Variants in COL4A5 observed in about 807,000 individuals in gnomAD.
COL4A5 encodes collagen alpha-5(IV) chain.
Under a neutral mutation model 130.2 loss-of-function variants are expected in COL4A5, and 26 were observed. That is an observed-to-expected ratio of 0.20 (90% CI 0.15 to 0.28). COL4A5 has a LOEUF of 0.28. Ranked by LOEUF, COL4A5 falls within the 10% of genes least tolerant of loss-of-function variation. COL4A5 has a pLI of 1.00. For missense variants in COL4A5, 1,131 were observed against 1,344.3 expected (o/e 0.84, Z 2.48); for synonymous variants, 496 against 439.6 (o/e 1.13, Z -1.60).
chrX:108,541,766 C>T (rs749871212), intron 2 of COL4A5, among the ~76,000 whole-genome samples: 5 of 112,293 alleles, frequency 4.5e-5, no homozygotes, highest in African/African-American at 1.3e-4. Context: ...TAGATTTAAC[C>T]GTTGTCCGTT....
chrX:108,642,665 G>A (rs952124585), intron 36 of COL4A5, among the ~76,000 whole-genome samples: 1 of 109,703 alleles, frequency 9.1e-6, no homozygotes, highest in Non-Finnish European at 1.9e-5. Flanking sequence ...CTCACAGGAA[G>A]CCACATCCAT....
intron 37 of COL4A5, 51 bp downstream of exon 37, chrX:108,655,508 A>T: frequency 8.5e-7 from 1 of 1,179,146 alleles, no homozygotes; most frequent in Non-Finnish European, 1.2e-6. Context: ...TATCTACTCC[A>T]ACCAGTATCA....
chrX:108,665,463 A>C, intron 37 of COL4A5, 44 bp from the exon 38 acceptor site: 1 of 915,708 alleles, frequency 1.1e-6, no homozygotes. Context: ...CTCTTAAAGC[A>C]ATGCAGTTTT....
chrX:108,459,305 C>CT (rs1462544376), intron 1 of COL4A5, among the ~76,000 whole-genome samples: 1 of 111,116 alleles, frequency 9.0e-6, no homozygotes, highest in Non-Finnish European at 1.9e-5. Context: ...CTTCACACTC[C>CT]TTTTTTTCCC....
At chrX:108,679,006 GT>G (rs1158480295) in intron 44 of COL4A5, among the ~76,000 whole-genome samples, 1 of 111,343 alleles carries the variant, frequency 9.0e-6, no homozygotes, top group Non-Finnish European at 1.9e-5. Flanking sequence ...TTTGCCTGAT[GT>G]TTATTCATAA....
chrX:108,520,692 CTT>C (rs1255692973), intron 1 of COL4A5, among the ~76,000 whole-genome samples: 26 of 111,439 alleles, frequency 2.3e-4, no homozygotes, highest in African/African-American at 7.8e-4. Context: ...TTGTGTATGA[CTT>C]TTAAAATTTT....
chrX:108,521,975 C>T (rs757953829), intron 1 of COL4A5, among the ~76,000 whole-genome samples: 2 of 110,747 alleles, frequency 1.8e-5, no homozygotes, highest in Middle Eastern at 4.6e-3. Context: ...GGCAGCCCAG[C>T]CCCCCAGCCC....
chrX:108,629,740 T>A (rs1007416181), intron 36 of COL4A5, among the ~76,000 whole-genome samples: 1 of 111,405 alleles, frequency 9.0e-6, no homozygotes, highest in Non-Finnish European at 1.9e-5. Context: ...TGTATACATG[T>A]GCCGTATTGG....
chrX:108,475,544 G>A (rs898179513), intron 1 of COL4A5, among the ~76,000 whole-genome samples: 1 of 111,461 alleles, frequency 9.0e-6, no homozygotes, highest in Non-Finnish European at 1.9e-5. Context: ...AAGGCATTCA[G>A]TCTGTTACCA....
At chrX:108,573,723 C>A in intron 9 of COL4A5, 69 bp downstream of exon 9, 2 of 693,403 alleles carry the variant, frequency 2.9e-6, no homozygotes, top group Non-Finnish European at 4.7e-6. Context: ...ATCCCTCAAC[C>A]TTTAGTACTC....
intron 3 of COL4A5, among the ~76,000 whole-genome samples, chrX:108,562,390 T>C (rs2065910259): frequency 8.9e-6 from 1 of 112,044 alleles, no homozygotes; most frequent in African/African-American, 3.2e-5. Flanking sequence ...CCATGCTTGC[T>C]GAGAGATGGT....
At chrX:108,550,969 C>A (rs2065744394) in intron 2 of COL4A5, among the ~76,000 whole-genome samples, 1 of 111,221 alleles carries the variant, frequency 9.0e-6, no homozygotes, top group African/African-American at 3.3e-5. Flanking sequence ...AGACCCCTGC[C>A]TTTCACCATA....
At chrX:108,457,043 T>G (rs1241456741) in intron 1 of COL4A5, among the ~76,000 whole-genome samples, 1 of 111,339 alleles carries the variant, frequency 9.0e-6, no homozygotes, top group East Asian at 2.8e-4. Flanking sequence ...CTGGCAGTGT[T>G]AGGGACCCAG....
At chrX:108,459,066 G>C (rs1323922044) in intron 1 of COL4A5, among the ~76,000 whole-genome samples, 1 of 111,594 alleles carries the variant, frequency 9.0e-6, no homozygotes, top group African/African-American at 3.2e-5. Context: ...CATCCCCTAA[G>C]TATTCATGTA....
At chrX:108,682,009 A>G (rs2068442659) in intron 47 of COL4A5, 121 bp downstream of exon 47, 1 of 666,304 alleles carries the variant, frequency 1.5e-6, no homozygotes, top group African/African-American at 2.1e-5. Flanking sequence ...TGCACCTATC[A>G]ACCCATCATC....
intron 2 of COL4A5, among the ~76,000 whole-genome samples, chrX:108,546,621 C>T (rs1223205514): frequency 1.8e-5 from 2 of 110,312 alleles, no homozygotes; most frequent in Non-Finnish European, 3.8e-5. Flanking sequence ...ATCTTTGTGG[C>T]GTTCTCTGTA....
intron 1 of COL4A5, among the ~76,000 whole-genome samples, chrX:108,477,959 A>G (rs2064852984): frequency 9.0e-6 from 1 of 111,351 alleles, no homozygotes. Flanking sequence ...TTCAGCAAGC[A>G]GCTTAGCAGG....
rs189117811 is a variant in COL4A5 at position 108,524,113 on chromosome X, C to T, written c.82-15633C>T. Among the ~76,000 whole-genome samples the T allele has an allele frequency of 1.8e-4, 20 of 111,479 alleles. No individual in the cohort carries two copies. The East Asian group carries it at 5.3e-3, about 30-fold the overall frequency. On this transcript the variant is annotated intron_variant, in intron 1 of 52. Coordinates refer to ENST00000328300, the MANE Select transcript of COL4A5 (RefSeq NM_033380.3). ...TATACCCCATAAATACATAAACCTACTATGTACCCACAAAAAATTAAAAAT... is the reference window on the plus strand; with the variant it reads ...TATACCCCATAAATACATAAACCTATTATGTACCCACAAAAAATTAAAAAT...
At chrX:108,548,346 A>G (rs1472392643) in intron 2 of COL4A5, among the ~76,000 whole-genome samples, 2 of 112,114 alleles carry the variant, frequency 1.8e-5, no homozygotes, top group Non-Finnish European at 3.8e-5. Flanking sequence ...TAACAATAGA[A>G]TGGAGATGTC....
Sources: gnomAD v4.1 joint callset for allele counts (sites outside exome capture counted in the v4.1 genomes callset) on GRCh38, gnomAD v4.1.1 for gene constraint, MANE v1.5 for transcripts, NCBI Gene and HGNC (gene_info 2026-07-23, HGNC 2026-07-21) for gene names.